The following USP47 variants were observed in gnomAD, a reference collection of about 807,000 sequenced individuals.
The protein encoded by USP47 is ubiquitin carboxyl-terminal hydrolase 47.
Under a neutral mutation model 165.1 loss-of-function variants are expected in USP47, and 35 were observed. That is an observed-to-expected ratio of 0.21 (90% CI 0.16 to 0.28). The LOEUF (loss-of-function observed/expected upper bound fraction) is 0.28, where lower values mean the gene tolerates loss of function less well. USP47 is among the 10% of genes least tolerant of loss of function. USP47 has a pLI of 1.00. For synonymous variants in USP47, 531 were observed against 544.5 expected, an observed-to-expected ratio of 0.98 and a Z score of 0.35; for missense variants, 1,277 against 1,607.4, an observed-to-expected ratio of 0.79 and a Z score of 3.52.
chr11:11,936,086 G>A (rs1855042393), intron 16 of USP47, among the ~76,000 whole-genome samples: 1 of 151,678 alleles, frequency 6.6e-6, no homozygotes, highest in Admixed American at 6.6e-5. Context: ...TGCTTTATAT[G>A]ATTGGAGGGA....
rs1205117523 is a variant in USP47 at position 11,961,844 on chromosome 11, A to G, written c.*5669A>G. Among the ~76,000 whole-genome samples the G allele has an allele frequency of 6.6e-6, 1 of 152,164 alleles. No individual in the cohort carries two copies. The highest frequency in any genetic ancestry group is 1.5e-5 in the Non-Finnish European group (1 of 68,010). Reference sequence around the variant, plus strand: ...GGCAGGAACTCTGGCTTTGGGAGAGAGCAGCAGCAAGGTATTCAAGCACCA... The same window carrying G: ...GGCAGGAACTCTGGCTTTGGGAGAGGGCAGCAGCAAGGTATTCAAGCACCA... On this transcript the variant is annotated 3_prime_UTR_variant, in exon 28 of 28. Coordinates refer to ENST00000527733, the MANE Select transcript of USP47 (RefSeq NM_001282659.2).
At chr11:11,852,373 T>C (rs914715555) in intron 1 of USP47, among the ~76,000 whole-genome samples, 2 of 152,206 alleles carry the variant, frequency 1.3e-5, no homozygotes, top group Non-Finnish European at 2.9e-5. Context: ...AATCCAATTC[T>C]ATATCATTTA....
rs775503390 is a variant in USP47, at chr11:11,929,478, G to A, written c.1431G>A (p.Gly477=). ...TTTTCTCTGTTATGGTTCATTCTGG[G>A]AGCGCTGCTGGTGGTCATTATTATG... ...YELFSVMVHS[G]SAAGGHYYAC... is the part of the protein sequence containing the mutation. Residue 477 remains glycine, a synonymous_variant, in exon 12 of 28, where the codon GGG becomes GGA. Transcript: ENST00000527733. 1.5e-5 allele frequency: 25 copies of A among 1,612,988 alleles called. No homozygotes were observed. The highest frequency in any genetic ancestry group is 2.0e-5 in the Non-Finnish European group (24 of 1,179,404).
At chr11:11,877,846 TGTGTGTGTGTGTGCGC>T (rs777429535) in intron 1 of USP47, among the ~76,000 whole-genome samples, 24 of 88,696 alleles carry the variant, frequency 2.7e-4, no homozygotes, top group East Asian at 1.9e-3. Context: ...TGTGTGTGTG[TGTGTGTGTGTGTGCGC>T]GCGCGCAGAT....
At chr11:11,875,041 G>A (rs867474390) in intron 1 of USP47, among the ~76,000 whole-genome samples, 3,151 of 126,342 alleles carry the variant, frequency 0.025, 88 homozygotes, top group East Asian at 0.092. Context: ...TATTGTGTGT[G>A]TGTGTGTGTG....
At chr11:11,939,178 C>G (rs1855295732) in intron 18 of USP47, among the ~76,000 whole-genome samples, 1 of 151,960 alleles carries the variant, frequency 6.6e-6, no homozygotes, top group South Asian at 2.1e-4. Context: ...TGATTATCAT[C>G]CTTACAAGGG....
intron 7 of USP47, 61 bp from the exon 8 acceptor site, chr11:11,905,338 G>A: frequency 7.7e-7 from 1 of 1,302,838 alleles, no homozygotes; most frequent in East Asian, 2.6e-5. Context: ...AGTGTAGAAT[G>A]TTACATGTTT....
chr11:11,906,129 T>C (rs1852547463), intron 8 of USP47, among the ~76,000 whole-genome samples: 2 of 152,318 alleles, frequency 1.3e-5, no homozygotes, highest in South Asian at 4.1e-4. Flanking sequence ...GATTTTCTCA[T>C]TCCATATGTC....
chr11:11,942,630 A>G lies in USP47; in HGVS notation c.2609A>G (p.Asp870Gly). The G allele has an allele frequency of 1.2e-6, 2 of 1,613,550 alleles. No individual in the cohort carries two copies. The highest frequency in any genetic ancestry group is 1.7e-6 in the Non-Finnish European group (2 of 1,179,756). The change falls in exon 20 of 28, where the codon GAT becomes GGT. Residue 870 changes from aspartate (D) to glycine (G), a missense_variant. By Grantham distance (94) the Asp-to-Gly change is moderately conservative. Transcript: ENST00000527733. ...LKSLSLQQQQDGDNGDSSKST... is the reference protein window; with the variant it reads ...LKSLSLQQQQGGDNGDSSKST... The stretch of plus-strand genomic sequence containing the variant: ...AGCTTGTCACTGCAGCAACAGCAGG[A>G]TGGAGATAATGGGGACAGCAGCAAA...
chr11:11,883,800 C>G (rs1441976443), intron 2 of USP47, among the ~76,000 whole-genome samples: 1 of 152,102 alleles, frequency 6.6e-6, no homozygotes, highest in African/African-American at 2.4e-5. Context: ...TAGGTGAAGA[C>G]TTGACTCTTA....
chr11:11,896,572 T>C (rs1481062361), intron 4 of USP47, among the ~76,000 whole-genome samples: 1 of 152,216 alleles, frequency 6.6e-6, no homozygotes, highest in Non-Finnish European at 1.5e-5. Flanking sequence ...TACAAACTTG[T>C]GTTACTTGTA....
At chr11:11,905,305 T>C (rs1852489177) in intron 7 of USP47, 94 bp from the exon 8 acceptor site, 1 of 781,932 alleles carries the variant, frequency 1.3e-6, no homozygotes, top group South Asian at 5.2e-5. Flanking sequence ...AATATCAATA[T>C]CCTTTTGTAA....
intron 20 of USP47, among the ~76,000 whole-genome samples, chr11:11,947,063 C>T (rs1235783567): frequency 6.6e-6 from 1 of 152,138 alleles, no homozygotes; most frequent in Admixed American, 6.5e-5. Flanking sequence ...CAGGGAGGTC[C>T]AGTGGCCTGA....
Position 11,846,429 on chromosome 11 carries a change from A to G in USP47, c.39+4205A>G, listed in dbSNP as rs1167174922. On this transcript the variant is annotated intron_variant, in intron 1 of 27. Coordinates refer to ENST00000527733, the MANE Select transcript of USP47 (RefSeq NM_001282659.2). ...GCTTTAAAAATAATACTTAAACTGCAGTACTTAAAGTAGTGCTCATGGACT... is the reference window on the plus strand; with the variant it reads ...GCTTTAAAAATAATACTTAAACTGCGGTACTTAAAGTAGTGCTCATGGACT... 2.6e-5 allele frequency among the ~76,000 whole-genome samples: 4 copies of G among 152,278 alleles called. No homozygotes were observed. The East Asian group carries it at 7.7e-4, about 29-fold the overall frequency.
rs1849610199 is a variant in USP47, at chr11:11,865,318, G to A, written c.40-14859G>A. Among the ~76,000 whole-genome samples, 3 of 152,100 alleles carry A rather than the reference G, an allele frequency of 2.0e-5. 1 individual carries two copies. The South Asian group carries it at 6.2e-4, about 32-fold the overall frequency. ...TGGATCTTTTGTTATAGTCCTACAG[G>A]TGCTTGCCACTGATCATTGTTTTAG... On this transcript the variant is annotated intron_variant, in intron 1 of 27. Transcript: ENST00000527733.
At chr11:11,855,303 G>A (rs1041873789) in intron 1 of USP47, among the ~76,000 whole-genome samples, 2 of 152,194 alleles carry the variant, frequency 1.3e-5, no homozygotes, top group African/African-American at 2.4e-5. Flanking sequence ...TATTAAGACA[G>A]TTTCTGAGAG....
At chr11:11,935,965 G>T (rs1297240808) in intron 16 of USP47, among the ~76,000 whole-genome samples, 1 of 151,802 alleles carries the variant, frequency 6.6e-6, no homozygotes, top group Non-Finnish European at 1.5e-5. Flanking sequence ...GTTTTCCTCT[G>T]TGTTTCCAGA....
At chr11:11,875,062 TGTGTGTGTGTGTGTG>T (rs1199255536) in intron 1 of USP47, among the ~76,000 whole-genome samples, 3 of 151,748 alleles carry the variant, frequency 2.0e-5, no homozygotes, top group Non-Finnish European at 2.9e-5. Context: ...TGTGTGTGTG[TGTGTGTGTGTGTGTG>T]TGTGTTTAAA....
chr11:11,872,585 C>T (rs1850137669), intron 1 of USP47, among the ~76,000 whole-genome samples: 1 of 152,036 alleles, frequency 6.6e-6, no homozygotes, highest in South Asian at 2.1e-4. Flanking sequence ...ACATAAAGAC[C>T]CTGAAGGATG....
Sources: allele counts gnomAD v4.1 joint callset (sites outside exome capture counted in the v4.1 genomes callset), GRCh38; gene constraint gnomAD v4.1.1; transcripts MANE v1.5; gene names NCBI Gene and HGNC (gene_info 2026-07-23, HGNC 2026-07-21).